ZNF730: variants seen among roughly 807,000 people sequenced by gnomAD.
ZNF730 encodes putative zinc finger protein 730.
In ZNF730, 12 loss-of-function variants were observed where a neutral mutation model predicts 12.6. The observed-to-expected ratio is 0.95, with a 90% CI of 0.61 to 1.54. The LOEUF is 1.54. Among genes scored for constraint, ZNF730 ranks in the 40% most tolerant of loss-of-function variants. ZNF730 has a pLI of 0.00. For missense variants in ZNF730, 643 were observed against 583.5 expected (o/e 1.10, Z -1.05); for synonymous variants, 194 against 195.8 (o/e 0.99, Z 0.08).
At chr19:23,107,087 G>A (rs1400682108) in intron 1 of ZNF730, among the ~76,000 whole-genome samples, 1 of 80,452 alleles carries the variant, frequency 1.2e-5, no homozygotes, top group African/African-American at 3.9e-5. Flanking sequence ...TTTTTTTTTT[G>A]AGACAGTCAT....
chr19:23,076,483 T>C (rs748168092), intron 1 of ZNF730, among the ~76,000 whole-genome samples: 10 of 152,166 alleles, frequency 6.6e-5, no homozygotes, highest in Admixed American at 5.2e-4. Context: ...TCTGGTCTTT[T>C]CTTGGTCATG....
chr19:23,077,853 A>G (rs906242909), intron 1 of ZNF730, among the ~76,000 whole-genome samples: 5 of 152,286 alleles, frequency 3.3e-5, no homozygotes, highest in East Asian at 1.9e-4. Flanking sequence ...TTGAGATGCT[A>G]TTAATCTGTA....
intron 3 of ZNF730, 35 bp from the exon 4 acceptor site, chr19:23,145,236 T>C: frequency 7.2e-7 from 1 of 1,387,780 alleles, no homozygotes; most frequent in Non-Finnish European, 9.5e-7. Flanking sequence ...CTCAGTCTAG[T>C]ACATGCAGTA....
chr19:23,131,560 T>A (rs1484568945), intron 1 of ZNF730, among the ~76,000 whole-genome samples: 1 of 152,260 alleles, frequency 6.6e-6, no homozygotes, highest in Non-Finnish European at 1.5e-5. Context: ...CAGCAAAGAT[T>A]ATAATACTTT....
intron 2 of ZNF730, among the ~76,000 whole-genome samples, chr19:23,134,598 G>C (rs1433003538): frequency 4.2e-4 from 4 of 9,528 alleles, no homozygotes; most frequent in South Asian, 9.2e-3. Context: ...CTGGAGGGTG[G>C]GGGGGGGGGT....
intron 1 of ZNF730, among the ~76,000 whole-genome samples, chr19:23,081,154 T>A (rs1969960094): frequency 6.6e-6 from 1 of 151,648 alleles, no homozygotes; most frequent in Admixed American, 6.6e-5. Flanking sequence ...CCTCTTTTTT[T>A]CTTTTTTTTT....
chr19:23,075,663 G>T (rs1441646083), intron 1 of ZNF730, among the ~76,000 whole-genome samples: 1 of 152,204 alleles, frequency 6.6e-6, no homozygotes, highest in African/African-American at 2.4e-5. Context: ...ATGCCAGGCG[G>T]GTCATCAGGG....
chr19:23,109,632 CCTGACCTGGTTTTGAATTCCTGAG>C (rs1177042896), intron 1 of ZNF730, among the ~76,000 whole-genome samples: 1 of 152,034 alleles, frequency 6.6e-6, no homozygotes, highest in Non-Finnish European at 1.5e-5. Context: ...GAACTCCTGA[CCTGACCTGGTTTTGAATTCCTGAG>C]CCCGCCTCAG....
chr19:23,108,868 G>T (rs1403090964), intron 1 of ZNF730, among the ~76,000 whole-genome samples: 1 of 150,192 alleles, frequency 6.7e-6, no homozygotes, highest in African/African-American at 2.4e-5. Flanking sequence ...TCCTGTCTCA[G>T]CCTTCCAAGT....
chr19:23,091,647 C>G (rs1369935674), intron 1 of ZNF730, among the ~76,000 whole-genome samples: 6 of 152,194 alleles, frequency 3.9e-5, no homozygotes, highest in Non-Finnish European at 8.8e-5. Context: ...TAAAATTTGA[C>G]TGCCTCGCTG....
intron 2 of ZNF730, among the ~76,000 whole-genome samples, chr19:23,135,191 C>G: frequency 8.0e-6 from 1 of 125,434 alleles, no homozygotes; most frequent in East Asian, 2.4e-4. Flanking sequence ...GCCAAATCCC[C>G]CTCTGCGAGA....
chr19:23,136,143 C>T, intron 3 of ZNF730, 100 bp downstream of exon 3: 6 of 844,692 alleles, frequency 7.1e-6, no homozygotes, highest in Non-Finnish European at 8.0e-6. Context: ...AGCTGTTTTA[C>T]AAAGGAAATA....
intron 1 of ZNF730, among the ~76,000 whole-genome samples, chr19:23,111,593 C>CA (rs1970461066): frequency 6.6e-6 from 1 of 151,676 alleles, no homozygotes; most frequent in African/African-American, 2.4e-5. Flanking sequence ...CTAAAAATTA[C>CA]AAAAAATTAG....
chr19:23,102,095 A>G (rs1162823926), intron 1 of ZNF730, among the ~76,000 whole-genome samples: 3 of 152,176 alleles, frequency 2.0e-5, no homozygotes, highest in African/African-American at 7.2e-5. Context: ...ATATCTCTGC[A>G]TCAGTCACCT....
intron 1 of ZNF730, among the ~76,000 whole-genome samples, chr19:23,118,606 C>A (rs1422497971): frequency 1.3e-5 from 2 of 152,170 alleles, no homozygotes; most frequent in Non-Finnish European, 2.9e-5. Flanking sequence ...TAAGAGGAAT[C>A]TCCTGGTGTC....
At chr19:23,119,892 A>C (rs1428141099) in intron 1 of ZNF730, among the ~76,000 whole-genome samples, 1 of 152,064 alleles carries the variant, frequency 6.6e-6, no homozygotes, top group East Asian at 1.9e-4. Context: ...CCTTCTTCTC[A>C]ATTTTTTAAA....
intron 3 of ZNF730, 68 bp from the exon 4 acceptor site, chr19:23,145,203 A>G (rs1970984338): frequency 5.5e-6 from 6 of 1,086,066 alleles, no homozygotes; most frequent in Admixed American, 6.8e-5. Flanking sequence ...GTATAACTTT[A>G]TAGGTTAGGT....
rs186420226 is a variant in ZNF730 at position 23,085,396 on chromosome 19, C to T, written c.-94+10009C>T. Reference sequence around the variant, plus strand: ...TTTTTTAAGTAGAGACAGGGTTTCACCATGTTGGTCAGGCTGTTCTCGAAC... The same window carrying T: ...TTTTTTAAGTAGAGACAGGGTTTCATCATGTTGGTCAGGCTGTTCTCGAAC... On this transcript the variant is annotated intron_variant, in intron 1 of 2. Coordinates refer to the ZNF730 transcript ENST00000593635. Among the ~76,000 whole-genome samples, 382 of 149,060 alleles carry T rather than the reference C, an allele frequency of 2.6e-3. 1 individual carries two copies. The highest frequency in any genetic ancestry group is 9.0e-3 in the African/African-American group (365 of 40,596).
At chr19:23,106,942 A>G (rs1970399105) in intron 1 of ZNF730, among the ~76,000 whole-genome samples, 1 of 152,216 alleles carries the variant, frequency 6.6e-6, no homozygotes, top group Admixed American at 6.5e-5. Context: ...GCAATTTTTA[A>G]AACTATATGT....
Sources: gnomAD v4.1 joint callset for allele counts (sites outside exome capture counted in the v4.1 genomes callset) on GRCh38, gnomAD v4.1.1 for gene constraint, MANE v1.5 for transcripts, NCBI Gene and HGNC (gene_info 2026-07-23, HGNC 2026-07-21) for gene names.